The following EFNA5 variants were observed in gnomAD, a reference collection of about 807,000 sequenced individuals.
EFNA5 encodes ephrin A5.
Under a neutral mutation model 22.9 loss-of-function variants are expected in EFNA5, and 5 were observed. The observed-to-expected ratio is 0.22, with a 90% CI of 0.11 to 0.46. EFNA5 has a LOEUF of 0.46. Ranked by LOEUF, EFNA5 falls within the 20% of genes least tolerant of loss-of-function variation. EFNA5 has a pLI of 0.99. For synonymous variants in EFNA5, 113 were observed against 112.2 expected, an observed-to-expected ratio of 1.01 and a Z score of -0.04; for missense variants, 237 against 293.3, an observed-to-expected ratio of 0.81 and a Z score of 1.40.
intron 1 of EFNA5, among the ~76,000 whole-genome samples, chr5:107,449,981 G>A (rs1048105590): frequency 6.6e-6 from 1 of 152,182 alleles, no homozygotes; most frequent in African/African-American, 2.4e-5. Flanking sequence ...TGAAGGAGAT[G>A]CTGACATAAA....
intron 1 of EFNA5, among the ~76,000 whole-genome samples, chr5:107,601,021 T>C (rs1168421045): frequency 1.3e-5 from 2 of 152,142 alleles, no homozygotes; most frequent in African/African-American, 4.8e-5. Context: ...TCAAACCTGG[T>C]AAATGTGAAA....
At chr5:107,540,935 T>C (rs1580520545) in intron 1 of EFNA5, among the ~76,000 whole-genome samples, 1 of 152,036 alleles carries the variant, frequency 6.6e-6, no homozygotes. Context: ...GGTGAAGCCC[T>C]GTCTCTACTA....
intron 1 of EFNA5, among the ~76,000 whole-genome samples, chr5:107,543,097 G>T (rs1451864151): frequency 6.6e-6 from 1 of 152,182 alleles, no homozygotes; most frequent in Non-Finnish European, 1.5e-5. Context: ...AATGGAAGAG[G>T]CCAGCAGGGA....
rs562850916 is a variant in EFNA5 at position 107,630,042 on chromosome 5, C to T, written c.125+40447G>A. 1.5e-3 allele frequency among the ~76,000 whole-genome samples: 216 copies of T among 148,794 alleles called. 2 individuals are homozygous for T. The highest frequency in any genetic ancestry group is 5.2e-3 in the African/African-American group (211 of 40,238). On this transcript the variant is annotated intron_variant, in intron 1 of 4. Coordinates refer to ENST00000333274, the MANE Select transcript of EFNA5 (RefSeq NM_001962.3). ...CTGCACTCCAGGCTGAGCAACAAAG[C>T]GTGACTCCATCTCAAAAAAAAAAAA...
intron 1 of EFNA5, among the ~76,000 whole-genome samples, chr5:107,602,674 T>C (rs559595209): frequency 6.6e-6 from 1 of 152,310 alleles, no homozygotes; most frequent in Non-Finnish European, 1.5e-5. Flanking sequence ...CTTAATTACA[T>C]GGTAATACTT....
chr5:107,659,661 G>A (rs1750903649), intron 1 of EFNA5, among the ~76,000 whole-genome samples: 1 of 150,740 alleles, frequency 6.6e-6, no homozygotes, highest in African/African-American at 2.4e-5. Context: ...AGATGTCAAT[G>A]AAAAATCTAG....
chr5:107,536,241 T>G (rs1269605184), intron 1 of EFNA5, among the ~76,000 whole-genome samples: 1 of 152,184 alleles, frequency 6.6e-6, no homozygotes, highest in African/African-American at 2.4e-5. Context: ...CATGGAAATC[T>G]TCAAATAATC....
intron 1 of EFNA5, among the ~76,000 whole-genome samples, chr5:107,625,830 G>A (rs1750129859): frequency 6.6e-6 from 1 of 152,074 alleles, no homozygotes; most frequent in Admixed American, 6.6e-5. Context: ...AGAAATCCCT[G>A]TCTTGTTACT....
intron 2 of EFNA5, among the ~76,000 whole-genome samples, chr5:107,399,478 T>A (rs1748030418): frequency 6.6e-6 from 1 of 152,098 alleles, no homozygotes; most frequent in Admixed American, 6.6e-5. Flanking sequence ...ATGTAGAATT[T>A]AATCAAATGA....
At position 107,650,236 on chromosome 5, in the gene EFNA5, G is replaced by A. The variant is rs572153913; in HGVS notation, c.125+20253C>T. On this transcript the variant is annotated intron_variant, in intron 1 of 4. Transcript: ENST00000333274. ...AATGTTTGCAGACACGCAATTCAAC[G>A]AAAAGACTTGGGTTAGTCTGGCAAA... is the stretch of plus-strand genomic sequence containing the variant. 1.6e-3 allele frequency among the ~76,000 whole-genome samples: 249 copies of A among 152,312 alleles called. 2 individuals carry two copies. Among genetic ancestry groups the A allele is most frequent in the African/African-American group, 5.8e-3 (241 of 41,572 alleles).
At chr5:107,423,161 T>C (rs1385885006) in intron 2 of EFNA5, among the ~76,000 whole-genome samples, 1 of 152,174 alleles carries the variant, frequency 6.6e-6, no homozygotes, top group African/African-American at 2.4e-5. Context: ...ATGGATGAAA[T>C]GATTCTCTCA....
chr5:107,536,713 A>C (rs1747935666), intron 1 of EFNA5, among the ~76,000 whole-genome samples: 1 of 152,208 alleles, frequency 6.6e-6, no homozygotes, highest in Non-Finnish European at 1.5e-5. Flanking sequence ...CAATCAAAAA[A>C]TATGTTTTGG....
chr5:107,496,352 A>AC lies in EFNA5; in HGVS notation c.126-68844_126-68843insG, dbSNP rs1437730518. Among the ~76,000 whole-genome samples, 11 of 148,414 alleles carry AC rather than the reference A, an allele frequency of 7.4e-5. No individual in the cohort carries two copies. In the East Asian group the frequency reaches 1.4e-3, roughly 19 times the overall value. The stretch of plus-strand genomic sequence containing the variant: ...ATTCCATCTCAAAAAAAAAAAAAAA[A>AC]ACAAAAAAACAAAAAACAACAACTA... On this transcript the variant is annotated intron_variant, in intron 1 of 4. Transcript: ENST00000333274.
intron 1 of EFNA5, among the ~76,000 whole-genome samples, chr5:107,539,661 G>A (rs1031796182): frequency 3.3e-5 from 5 of 152,058 alleles, no homozygotes; most frequent in Non-Finnish European, 4.4e-5. Context: ...GTTTCACCGT[G>A]TTGGCCAGGC....
In EFNA5 at chr5:107,659,496, CTTTT is replaced by C. The variant is rs550340874; in HGVS notation, c.125+10989_125+10992del. 6.5e-3 allele frequency among the ~76,000 whole-genome samples: 834 copies of C among 129,256 alleles called. 15 individuals are homozygous for C. The highest frequency in any genetic ancestry group is 0.022 in the African/African-American group (774 of 35,270). The allele number at this position is 129,256 out of a possible 152,430, so 84.8% of individuals were successfully genotyped here. On this transcript the variant is annotated intron_variant, in intron 1 of 4. Transcript: ENST00000333274. ...AAAAGTTTGAGTTTTTTGGGTTTTC[CTTTT>C]TTTTTTTTTTTTTTTAGTTTCCTTT...
intron 1 of EFNA5, among the ~76,000 whole-genome samples, chr5:107,447,037 C>T (rs1055591637): frequency 4.6e-5 from 7 of 152,278 alleles, no homozygotes; most frequent in Non-Finnish European, 7.3e-5. Context: ...TGCCAGCTAA[C>T]GCATTAACAT....
intron 1 of EFNA5, among the ~76,000 whole-genome samples, chr5:107,463,368 A>G (rs1749885818): frequency 6.6e-6 from 1 of 152,122 alleles, no homozygotes; most frequent in Non-Finnish European, 1.5e-5. Context: ...TCATCAGTGT[A>G]CTTTAAAATA....
chr5:107,509,929 G>C (rs910714854), intron 1 of EFNA5, among the ~76,000 whole-genome samples: 5 of 152,154 alleles, frequency 3.3e-5, no homozygotes, highest in African/African-American at 1.2e-4. Context: ...TATGCTCCAT[G>C]ATCATCATTT....
chr5:107,473,950 T>C (rs1255427616), intron 1 of EFNA5, among the ~76,000 whole-genome samples: 1 of 152,140 alleles, frequency 6.6e-6, no homozygotes, highest in African/African-American at 2.4e-5. Context: ...TGAGCCACCA[T>C]GCCTGGCCTC....
Sources: gnomAD v4.1 joint callset for allele counts (sites outside exome capture counted in the v4.1 genomes callset) on GRCh38, gnomAD v4.1.1 for gene constraint, MANE v1.5 for transcripts, NCBI Gene and HGNC (gene_info 2026-07-23, HGNC 2026-07-21) for gene names.